The following CLUL1 variants were observed in gnomAD, a reference collection of about 807,000 sequenced individuals.
CLUL1 encodes the protein clusterin like 1.
A neutral mutation model predicts 49.4 loss-of-function variants in CLUL1; 43 were observed. That is an observed-to-expected ratio of 0.87 (90% confidence interval 0.68 to 1.12). The LOEUF is 1.12. CLUL1 is among the 50% of genes most tolerant of loss of function. The pLI, the probability that CLUL1 is intolerant of heterozygous loss-of-function variation, is 0.00. For missense variants in CLUL1, 486 were observed against 544.4 expected, an observed-to-expected ratio of 0.89 and a Z score of 1.07; for synonymous variants, 192 against 184.9, an observed-to-expected ratio of 1.04 and a Z score of -0.31.
chr18:615,394 T>C (rs561802), intron 2 of CLUL1, among the ~76,000 whole-genome samples: 115,095 of 152,102 alleles, frequency 0.76, 44,329 homozygotes, highest in Middle Eastern at 0.87. Context: ...AAGCCATCTT[T>C]CTATGTGTGT....
chr18:632,630 A>T (rs1177810600), intron 6 of CLUL1, among the ~76,000 whole-genome samples: 2 of 152,192 alleles, frequency 1.3e-5, no homozygotes, highest in Non-Finnish European at 2.9e-5. Flanking sequence ...AGAACAAAAT[A>T]AATGAAAGCT....
rs1567967304 is a variant in CLUL1, at chr18:627,024, A to AAC, written c.424-72_424-71insCA. 2.7e-5 allele frequency: 2 copies of AAC among 72,860 alleles called. 1 individual carries two copies. The highest frequency in any genetic ancestry group is 2.0e-4 in the African/African-American group (2 of 10,256). The allele number at this position is 72,860 out of a possible 1,614,324, so 4.5% of individuals were successfully genotyped here. On this transcript the variant is annotated intron_variant, in intron 5 of 9. Transcript: ENST00000692774. ...GAAGGAAGGAAAGAAAGAAAGAAAG[A>AAC]AAGAAAAGAAAGAAAGAGTCGAGAA... is the stretch of plus-strand genomic sequence containing the variant.
intron 2 of CLUL1, chr18:613,125 A>G: frequency 2.6e-6 from 1 of 384,294 alleles, no homozygotes; most frequent in Non-Finnish European, 4.5e-6. Context: ...GTTATATGAA[A>G]CTAAAACAAT....
At chr18:629,422 C>T (rs2073920488) in intron 6 of CLUL1, among the ~76,000 whole-genome samples, 1 of 152,200 alleles carries the variant, frequency 6.6e-6, no homozygotes, top group African/African-American at 2.4e-5. Flanking sequence ...CAGCCTTACA[C>T]AAGCATTGGT....
intron 9 of CLUL1, among the ~76,000 whole-genome samples, chr18:645,658 G>A (rs1007468565): frequency 6.7e-5 from 10 of 149,806 alleles, no homozygotes; most frequent in Non-Finnish European, 8.9e-5. Flanking sequence ...GCCGGGCGTG[G>A]TGGCGGGCGC....
intron 9 of CLUL1, among the ~76,000 whole-genome samples, chr18:646,497 G>GACACACACACACACAC (rs56076402): frequency 3.5e-5 from 5 of 141,274 alleles, no homozygotes; most frequent in Admixed American, 1.4e-4. Context: ...CAGATAGATA[G>GACACACACACACACAC]ACACACACAC....
At chr18:648,747 C>G (rs1466582833) in intron 9 of CLUL1, among the ~76,000 whole-genome samples, 1 of 152,190 alleles carries the variant, frequency 6.6e-6, no homozygotes, top group Non-Finnish European at 1.5e-5. Flanking sequence ...ACCTCCACCT[C>G]CCAGGTTCAA....
intron 6 of CLUL1, among the ~76,000 whole-genome samples, chr18:630,684 T>C (rs1195235749): frequency 4.3e-5 from 5 of 116,178 alleles, no homozygotes; most frequent in Non-Finnish European, 9.0e-5. Context: ...TTTTTTTTTT[T>C]TTTTTTTTTT....
At chr18:609,843 A>T (rs1719170253) in intron 2 of CLUL1, among the ~76,000 whole-genome samples, 1 of 131,274 alleles carries the variant, frequency 7.6e-6, no homozygotes, top group Non-Finnish European at 1.7e-5. Flanking sequence ...AAAAAAAAAA[A>T]GGTTAGATTT....
In CLUL1 at chr18:645,650, C is replaced by T. The variant is rs571271478; in HGVS notation, c.1397+553C>T. Among the ~76,000 whole-genome samples the T allele has an allele frequency of 8.7e-5, 13 of 150,212 alleles. No homozygotes were observed. The South Asian group carries it at 1.1e-3, about 12-fold the overall frequency. ...CTCTACTAAAATAAAAAAAATTAGC[C>T]GGGCGTGGTGGCGGGCGCCTGTAGT... On this transcript the variant is annotated intron_variant, in intron 9 of 9. Transcript: ENST00000692774.
At position 619,372 on chromosome 18, in the gene CLUL1, T is replaced by G. The variant is rs148204751; in HGVS notation, c.255+11T>G. Reference sequence around the variant, plus strand: ...AGAGAAGAAAAGCAGGTACAGTCATTGAAAATAATGTCTGTTCTTACACAG... The same window carrying G: ...AGAGAAGAAAAGCAGGTACAGTCATGGAAAATAATGTCTGTTCTTACACAG... On this transcript the variant is annotated intron_variant, in intron 4 of 9. Transcript: ENST00000692774. 3 of 1,607,830 alleles carry G rather than the reference T, an allele frequency of 1.9e-6. No individual in the cohort carries two copies. The East Asian group carries it at 6.7e-5, about 36-fold the overall frequency.
At chr18:631,969 T>C (rs372016043) in intron 6 of CLUL1, among the ~76,000 whole-genome samples, 1 of 152,232 alleles carries the variant, frequency 6.6e-6, no homozygotes, top group Non-Finnish European at 1.5e-5. Flanking sequence ...CCAAAGGGGA[T>C]GGGTGCCTTA....
chr18:633,536 A>G (rs1471927485), intron 7 of CLUL1, 101 bp downstream of exon 7: 2 of 1,104,188 alleles, frequency 1.8e-6, no homozygotes. Context: ...CGAATATAAA[A>G]TTTTCTTTTT....
At chr18:630,435 A>G (rs1298430000) in intron 6 of CLUL1, among the ~76,000 whole-genome samples, 1 of 152,134 alleles carries the variant, frequency 6.6e-6, no homozygotes, top group Non-Finnish European at 1.5e-5. Flanking sequence ...TAGAGAGAGT[A>G]TGCTGGATTA....
chr18:646,183 G>A (rs942657280), intron 9 of CLUL1, among the ~76,000 whole-genome samples: 3 of 151,692 alleles, frequency 2.0e-5, no homozygotes, highest in Non-Finnish European at 4.4e-5. Flanking sequence ...AAAAATGCGA[G>A]ATATAAAAAT....
At chr18:626,864 T>TAGA (rs2073735753) in intron 5 of CLUL1, among the ~76,000 whole-genome samples, 13 of 70,900 alleles carry the variant, frequency 1.8e-4, no homozygotes, top group African/African-American at 6.8e-4. Flanking sequence ...CCATCTCAAA[T>TAGA]AAGAAAGAAA....
At chr18:642,031 A>G (rs774381824) in intron 8 of CLUL1, among the ~76,000 whole-genome samples, 4 of 152,220 alleles carry the variant, frequency 2.6e-5, no homozygotes, top group Non-Finnish European at 5.9e-5. Context: ...TAGATTTCTT[A>G]TACAAAACAA....
chr18:605,895 C>A (rs1426066705), intron 1 of CLUL1, among the ~76,000 whole-genome samples: 1 of 152,032 alleles, frequency 6.6e-6, no homozygotes, highest in African/African-American at 2.4e-5. Flanking sequence ...GAATGCCTGG[C>A]CTCAAGCAAT....
chr18:617,552 G>A (rs954632900), intron 2 of CLUL1, among the ~76,000 whole-genome samples: 28 of 127,566 alleles, frequency 2.2e-4, no homozygotes, highest in African/African-American at 7.7e-4. Flanking sequence ...CCGAGATCAC[G>A]CCATTGCACT....
Sources: allele counts gnomAD v4.1 joint callset (sites outside exome capture counted in the v4.1 genomes callset), GRCh38; gene constraint gnomAD v4.1.1; transcripts MANE v1.5; gene names NCBI Gene and HGNC (gene_info 2026-07-23, HGNC 2026-07-21).